The following PTPRU variants were observed in gnomAD, a reference collection of about 807,000 sequenced individuals.
PTPRU encodes protein tyrosine phosphatase receptor type U.
PTPRU carries 69 observed loss-of-function variants against 166.3 expected under a neutral mutation model. The observed-to-expected ratio is 0.41, with a 90% confidence interval of 0.34 to 0.51. PTPRU has a LOEUF of 0.51. PTPRU is among the 20% of genes least tolerant of loss of function. The pLI, the probability that PTPRU is intolerant of heterozygous loss-of-function variation, is 0.09. For synonymous variants in PTPRU, 793 were observed against 814.0 expected, an observed-to-expected ratio of 0.97 and a Z score of 0.44; for missense variants, 1,657 against 2,013.7, an observed-to-expected ratio of 0.82 and a Z score of 3.39.
At chr1:29,281,146 C>T (rs556496764) in intron 11 of PTPRU, among the ~76,000 whole-genome samples, 1 of 152,132 alleles carries the variant, frequency 6.6e-6, no homozygotes, top group Non-Finnish European at 1.5e-5. Context: ...CTAGTCAGTT[C>T]CCTAGGAAGA....
In PTPRU at chr1:29,236,547, C is replaced by CTCCGGCACGG; in HGVS notation, c.-98_-97insTCCGGCACGG. On this transcript the variant is annotated 5_prime_UTR_variant, in exon 1 of 30. Transcript: ENST00000373779. The surrounding 1 kb of genome is among the most constrained non-coding windows in gnomAD (Gnocchi z 4.6). ...AGTCCCGCTCCGCGCCGCGCCGCTC[C>CTCCGGCACGG]GCTCCGGCTCGGGCTCCGGCTCGCC... 4 of 964,270 alleles carry CTCCGGCACGG rather than the reference C, an allele frequency of 4.1e-6. No individual in the cohort carries two copies. The highest frequency in any genetic ancestry group is 5.2e-6 in the Non-Finnish European group (4 of 773,364). 59.7% of individuals were successfully genotyped at this position (964,270 alleles called of 1,614,324 possible).
At chr1:29,278,931 A>C in intron 8 of PTPRU, 81 bp from the exon 9 acceptor site, 1 of 1,095,140 alleles carries the variant, frequency 9.1e-7, no homozygotes, top group African/African-American at 1.6e-5. Context: ...CCAGGTAGGA[A>C]GCGGCAAGGC....
chr1:29,323,053 C>A (rs1557492150), intron 26 of PTPRU, among the ~76,000 whole-genome samples: 1 of 152,148 alleles, frequency 6.6e-6, no homozygotes, highest in Non-Finnish European at 1.5e-5. Flanking sequence ...AAGCAGGCAG[C>A]CTCATGTAGG....
chr1:29,311,607 A>C lies in PTPRU; in HGVS notation c.2956-36A>C. 6.2e-7 allele frequency: 1 copy of C among 1,614,032 alleles called. No homozygotes were observed. Among genetic ancestry groups the C allele is most frequent in the Non-Finnish European group, 8.5e-7 (1 of 1,179,860 alleles). On this transcript the variant is annotated intron_variant, in intron 20 of 29. Coordinates refer to ENST00000373779, the MANE Select transcript of PTPRU (RefSeq NM_133178.4). This position sits in a 1 kb window ranked among gnomAD's most constrained non-coding sequence, Gnocchi z 4.1. ...CGCATGGCAGGCCAAGGGGGCAGCA[A>C]AGAGCCCACTGAGTCCCGTCCTGTG...
chr1:29,260,862 G>A lies in PTPRU; in HGVS notation c.1103G>A (p.Gly368Asp). The change falls in exon 7 of 30, where the codon GGC (glycine) becomes GAC (aspartate). Residue 368 changes from glycine to aspartate, a missense_variant. By Grantham distance (94) the Gly-to-Asp change is moderately conservative (BLOSUM62 -1). Transcript: ENST00000373779. This position sits in a 1 kb window ranked among gnomAD's most constrained non-coding sequence, Gnocchi z 8.3. ...LLTRPGDGGT[G>D]RPGPPLISRT... The stretch of plus-strand genomic sequence containing the variant: ...ACGCGTCCCGGAGACGGCGGCACTG[G>A]CCGCCCTGGGCCACCCCTCATCAGC... 6.3e-7 allele frequency: 1 copy of A among 1,598,728 alleles called. No homozygotes were observed.
intron 1 of PTPRU, among the ~76,000 whole-genome samples, chr1:29,245,880 A>T (rs973787879): frequency 4.6e-5 from 7 of 152,130 alleles, no homozygotes; most frequent in Non-Finnish European, 8.8e-5. Context: ...TCTGCACCCC[A>T]TTGCCTCACC....
At position 29,315,180 on chromosome 1, in the gene PTPRU, C is replaced by T. The variant is rs1012316098; in HGVS notation, c.3228-192C>T. Among the ~76,000 whole-genome samples, 6 of 152,204 alleles carry T rather than the reference C, an allele frequency of 3.9e-5. No homozygotes were observed. Among genetic ancestry groups the T allele is most frequent in the Admixed American group, 2.0e-4 (3 of 15,282 alleles). ...CTGAGGCCCATCCCATCTCTGTCCT[C>T]TAGCACATTTCACTAGAGCTCTTCC... is the stretch of plus-strand genomic sequence containing the variant. On this transcript the variant is annotated intron_variant, in intron 22 of 29. Coordinates refer to ENST00000373779, the MANE Select transcript of PTPRU (RefSeq NM_133178.4). The surrounding 1 kb of genome is among the most constrained non-coding windows in gnomAD (Gnocchi z 4.5).
rs372659114 is a variant in PTPRU, at chr1:29,304,035, A to G, written c.2657A>G (p.Gln886Arg). Residue 886 changes from glutamine (Q) to arginine (R), a missense_variant, in exon 16 of 30, where the codon CAG (glutamine) becomes CGG (arginine). Around this residue, in one of 3 missense-constraint regions of PTPRU, gnomAD observed 1,190 missense variants for 1,477.4 expected, o/e 0.81. Coordinates refer to ENST00000373779, the MANE Select transcript of PTPRU (RefSeq NM_133178.4). ...ACGGCCGAGGGTTACGGCTTCAAGC[A>G]GGAGTATGAGGTGCACGCCGGCCCC... ...MKTAEGYGFKQEYESFFEGWD... is the reference protein window; with the variant it reads ...MKTAEGYGFKREYESFFEGWD... 2 of 1,604,054 alleles carry G rather than the reference A, an allele frequency of 1.2e-6. No individual in the cohort carries two copies. Among genetic ancestry groups the G allele is most frequent in the South Asian group, 1.1e-5 (1 of 90,814 alleles).
Position 29,283,941 on chromosome 1 carries a change from A to T in PTPRU, c.2144A>T (p.Glu715Val). The T allele has an allele frequency of 6.2e-7, 1 of 1,614,050 alleles. No homozygotes were observed. The highest frequency in any genetic ancestry group is 2.2e-5 in the East Asian group (1 of 44,870). ...TGAGACCCCCATCTGTGCCTCCAGG[A>T]GACCCGGCTGAATTGCATCCGCATT... ...YFQAASHLKG[E>V]TRLNCIRIAR... The change falls in exon 13 of 30, where the codon GAG becomes GTG. Residue 715 changes from glutamate to valine, a missense_variant and splice_region_variant. Transcript: ENST00000373779.
At chr1:29,244,359 C>T (rs765943394) in intron 1 of PTPRU, among the ~76,000 whole-genome samples, 8 of 151,290 alleles carry the variant, frequency 5.3e-5, no homozygotes, top group Non-Finnish European at 8.8e-5. Flanking sequence ...AAGGGACAGG[C>T]GGTATTGGGG....
At chr1:29,307,133 G>A (rs1687427822) in intron 18 of PTPRU, 5 of 1,613,338 alleles carry the variant, frequency 3.1e-6, no homozygotes, top group Non-Finnish European at 4.2e-6. Context: ...ATTAAGATTC[G>A]GATAAACCGA....
chr1:29,294,818 G>A (rs946401642), intron 15 of PTPRU, among the ~76,000 whole-genome samples: 4 of 152,038 alleles, frequency 2.6e-5, no homozygotes, highest in Admixed American at 6.6e-5. Flanking sequence ...TATAGTTCAC[G>A]CTTTCCCTGC....
At chr1:29,312,276 A>C (rs1278737254) in intron 21 of PTPRU, among the ~76,000 whole-genome samples, 1 of 152,184 alleles carries the variant, frequency 6.6e-6, no homozygotes, top group African/African-American at 2.4e-5. Context: ...AGAGGTGAGT[A>C]TTTCACAGCC....
chr1:29,279,073 C>T lies in PTPRU; in HGVS notation c.1515C>T (p.Leu505=). The T allele has an allele frequency of 6.3e-7, 1 of 1,591,890 alleles. No individual in the cohort carries two copies. Among genetic ancestry groups the T allele is most frequent in the Non-Finnish European group, 8.6e-7 (1 of 1,168,754 alleles). The change falls in exon 9 of 30, where the codon CTC becomes CTT. Residue 505 remains leucine, a synonymous_variant. Coordinates refer to ENST00000373779, the MANE Select transcript of PTPRU (RefSeq NM_133178.4). The surrounding 1 kb of genome is among the most constrained non-coding windows in gnomAD (Gnocchi z 5.2). The part of the protein sequence containing the change: ...TFTPLEDMIF[L]KWEEPQEPNG... ...CTCCACTGGAGGACATGATCTTCCTCAAGTGGGAGGAGCCCCAGGAGCCCA... is the reference window on the plus strand; with the variant it reads ...CTCCACTGGAGGACATGATCTTCCTTAAGTGGGAGGAGCCCCAGGAGCCCA...
In PTPRU at chr1:29,297,651, A is replaced by G. The variant is rs191368958; in HGVS notation, c.2476+5625A>G. Among the ~76,000 whole-genome samples, 57 of 152,304 alleles carry G rather than the reference A, an allele frequency of 3.7e-4. 2 individuals carry two copies. The East Asian group carries it at 0.011, about 28-fold the overall frequency. The stretch of plus-strand genomic sequence containing the variant: ...GAGGTGTGACTGCACTAAATCCTCC[A>G]GTGGGTGCTAGAGAGAGCGGGAGAT... On this transcript the variant is annotated intron_variant, in intron 15 of 29. Coordinates refer to ENST00000373779, the MANE Select transcript of PTPRU (RefSeq NM_133178.4).
At chr1:29,264,784 G>A (rs966925416) in intron 7 of PTPRU, among the ~76,000 whole-genome samples, 1 of 152,150 alleles carries the variant, frequency 6.6e-6, no homozygotes, top group Non-Finnish European at 1.5e-5. Context: ...AGGATTATAG[G>A]CATGCGTGGC....
At chr1:29,283,396 C>T (rs1311551596) in intron 12 of PTPRU, among the ~76,000 whole-genome samples, 3 of 151,832 alleles carry the variant, frequency 2.0e-5, no homozygotes, top group Admixed American at 6.5e-5. Flanking sequence ...AGAGCACTAC[C>T]CCCTTCCTGA....
chr1:29,259,178 C>G (rs12027581), intron 3 of PTPRU, 83 bp from the exon 4 acceptor site: 2 of 1,420,700 alleles, frequency 1.4e-6, no homozygotes, highest in East Asian at 4.6e-5. Context: ...GCAGAGGAGG[C>G]TGAGGCCGAG....
chr1:29,267,080 ATTAGC>A (rs1685336336), intron 7 of PTPRU, among the ~76,000 whole-genome samples: 1 of 152,158 alleles, frequency 6.6e-6, no homozygotes, highest in African/African-American at 2.4e-5. Flanking sequence ...AGCAACAATA[ATTAGC>A]TGAATGTGGT....
Sources: allele counts gnomAD v4.1 joint callset (sites outside exome capture counted in the v4.1 genomes callset), GRCh38; gene constraint gnomAD v4.1.1; regional missense constraint gnomAD v4.1.1; non-coding constraint Gnocchi (gnomAD v3.1); transcripts MANE v1.5; gene names NCBI Gene and HGNC (gene_info 2026-07-23, HGNC 2026-07-21).